Variants in NSMAF observed in about 807,000 individuals in gnomAD.
NSMAF encodes protein FAN.
Under a neutral mutation model 134.9 loss-of-function variants are expected in NSMAF, and 90 were observed. That is an observed-to-expected ratio of 0.67 (90% CI 0.56 to 0.79). The LOEUF (loss-of-function observed/expected upper bound fraction) is 0.79. Among genes scored for constraint, NSMAF ranks in the 30% least tolerant of loss-of-function variants. The pLI is 0.00. For synonymous variants in NSMAF, 358 were observed against 389.6 expected, an observed-to-expected ratio of 0.92 and a Z score of 0.96; for missense variants, 1,010 against 1,119.0, an observed-to-expected ratio of 0.90 and a Z score of 1.39.
At chr8:58,597,180 C>T (rs963276214) in intron 21 of NSMAF, among the ~76,000 whole-genome samples, 4 of 152,144 alleles carry the variant, frequency 2.6e-5, no homozygotes, top group South Asian at 2.1e-4. Flanking sequence ...AAAATAAAAG[C>T]GATTTGATTT....
chr8:58,659,785 G>A lies in NSMAF; in HGVS notation c.-154C>T, dbSNP rs1210954771. The stretch of plus-strand genomic sequence containing the variant: ...TCCCCTGCGGCGCCGCTGGGCGGCC[G>A]AGAGCCCGACGCGGCGTCCCGGCCG... On this transcript the variant is annotated 5_prime_UTR_variant, in exon 1 of 31. Coordinates refer to ENST00000038176, the MANE Select transcript of NSMAF (RefSeq NM_003580.4). The A allele has an allele frequency of 1.2e-5, 5 of 430,980 alleles. No individual in the cohort carries two copies. Among genetic ancestry groups the A allele is most frequent in the Non-Finnish European group, 1.8e-5 (5 of 276,348 alleles). 26.7% of individuals were successfully genotyped at this position (430,980 alleles called of 1,614,324 possible).
At chr8:58,627,047 A>G (rs1013007200) in intron 6 of NSMAF, among the ~76,000 whole-genome samples, 2 of 151,936 alleles carry the variant, frequency 1.3e-5, no homozygotes, top group Admixed American at 1.3e-4. Flanking sequence ...CTACTTCTTG[A>G]TGGGATTATT....
intron 16 of NSMAF, 40 bp downstream of exon 16, chr8:58,601,243 CAG>C: frequency 6.7e-7 from 1 of 1,483,204 alleles, no homozygotes; most frequent in Non-Finnish European, 9.4e-7. Context: ...TATATACAAT[CAG>C]AAAGTGTTAA....
chr8:58,639,276 TC>T (rs1158798418), intron 2 of NSMAF, among the ~76,000 whole-genome samples: 7 of 144,454 alleles, frequency 4.8e-5, no homozygotes, highest in African/African-American at 1.8e-4. Context: ...AGAGTGAGAC[TC>T]CGTCTCAATA....
chr8:58,600,984 A>G (rs1563527661), intron 16 of NSMAF, among the ~76,000 whole-genome samples: 1 of 152,202 alleles, frequency 6.6e-6, no homozygotes, highest in Non-Finnish European at 1.5e-5. Flanking sequence ...ATATGTTAGA[A>G]TGTGATACAA....
At chr8:58,635,156 C>T (rs773852533) in intron 5 of NSMAF, 33 bp downstream of exon 5, 11 of 1,535,738 alleles carry the variant, frequency 7.2e-6, no homozygotes, top group Non-Finnish European at 6.3e-6. Context: ...AATGTTCATT[C>T]AGATTAGGAA....
In NSMAF at chr8:58,607,774, G is replaced by T; in HGVS notation, c.754C>A (p.Pro252Thr). The change falls in exon 11 of 31, where the codon CCT (proline) becomes ACT (threonine). Residue 252 changes from proline to threonine, a missense_variant. Transcript: ENST00000038176. ...ACAGCCTCCCAAGGACTCACCAGAGGCATGAGGCCGTGCCTCCTTTTGTAG... is the reference window on the plus strand; with the variant it reads ...ACAGCCTCCCAAGGACTCACCAGAGTCATGAGGCCGTGCCTCCTTTTGTAG... ...RIYKRRHGLM[P>T]LGLEVFCTED... 1 of 1,613,474 alleles carries T rather than the reference G, an allele frequency of 6.2e-7. No individual in the cohort carries two copies. The highest frequency in any genetic ancestry group is 8.5e-7 in the Non-Finnish European group (1 of 1,179,364).
At position 58,586,607 on chromosome 8, in the gene NSMAF, A is replaced by G; in HGVS notation, c.2297T>C (p.Val766Ala). 8.1e-6 allele frequency: 13 copies of G among 1,609,410 alleles called. No individual in the cohort carries two copies. The highest frequency in any genetic ancestry group is 1.1e-5 in the Non-Finnish European group (13 of 1,177,924). ...LLAELEHDVS[V>A]DTISLNAAST... ...TGCAGCATTTAAACTGATTGTATCT[A>G]CCTAAGGAAGAAAACACATTGATAC... The change falls in exon 28 of 31, where the codon GTA becomes GCA. Residue 766 changes from valine (V) to alanine (A), a missense_variant and splice_region_variant. Val to Ala is a moderately conservative substitution (Grantham distance 64). Coordinates refer to ENST00000038176, the MANE Select transcript of NSMAF (RefSeq NM_003580.4).
At position 58,586,503 on chromosome 8, in the gene NSMAF, T is replaced by C. The variant is rs1187104544; in HGVS notation, c.2401A>G (p.Ile801Val). ...DLTTATLMHQ[I>V]PCHSGIVCDT... The stretch of plus-strand genomic sequence containing the variant: ...CATACAATCCCTGAATGGCATGGAA[T>C]CTGGTGCATTAAGGTGGCCGTTGTG... The change falls in exon 28 of 31, where the codon ATT (isoleucine) becomes GTT (valine). Residue 801 changes from isoleucine (I) to valine (V), a missense_variant. Physicochemically the swap from Ile to Val is conservative, Grantham distance 29. Coordinates refer to ENST00000038176, the MANE Select transcript of NSMAF (RefSeq NM_003580.4). 1 of 1,612,032 alleles carries C rather than the reference T, an allele frequency of 6.2e-7. No homozygotes were observed. Among genetic ancestry groups the C allele is most frequent in the South Asian group, 1.1e-5 (1 of 91,086 alleles).
intron 1 of NSMAF, among the ~76,000 whole-genome samples, chr8:58,647,500 A>G (rs776628442): frequency 2.6e-5 from 4 of 152,128 alleles, no homozygotes; most frequent in Non-Finnish European, 4.4e-5. Context: ...TGTGATTCCC[A>G]ACGTTGAAGG....
At chr8:58,641,486 C>G (rs1463139016) in intron 2 of NSMAF, among the ~76,000 whole-genome samples, 1 of 152,166 alleles carries the variant, frequency 6.6e-6, no homozygotes, top group Non-Finnish European at 1.5e-5. Flanking sequence ...GATAAATCTG[C>G]CCCCTTCTGA....
chr8:58,659,265 C>G, intron 1 of NSMAF: 1 of 1,510,590 alleles, frequency 6.6e-7, no homozygotes, highest in East Asian at 2.7e-5. Context: ...TCCGGGTGAG[C>G]TGCCCGCGGC....
At chr8:58,644,945 C>T (rs1489845145) in intron 1 of NSMAF, among the ~76,000 whole-genome samples, 1 of 152,020 alleles carries the variant, frequency 6.6e-6, no homozygotes, top group Non-Finnish European at 1.5e-5. Context: ...GTGAACATCA[C>T]ACACGGGGAC....
chr8:58,622,856 C>T (rs1272546629), intron 9 of NSMAF, among the ~76,000 whole-genome samples: 3 of 152,016 alleles, frequency 2.0e-5, no homozygotes, highest in Non-Finnish European at 4.4e-5. Flanking sequence ...TATTTTAAAA[C>T]AATGTCAGGT....
intron 5 of NSMAF, among the ~76,000 whole-genome samples, chr8:58,633,738 G>A (rs1807108927): frequency 6.6e-6 from 1 of 152,114 alleles, no homozygotes; most frequent in African/African-American, 2.4e-5. Context: ...TAAATATAAA[G>A]CACCGTACTA....
chr8:58,587,534 A>C, intron 27 of NSMAF, 84 bp downstream of exon 27: 1 of 1,087,724 alleles, frequency 9.2e-7, no homozygotes. Flanking sequence ...GCAAAACAAC[A>C]TGAACAAAAC....
chr8:58,646,670 T>C lies in NSMAF; in HGVS notation c.60-3597A>G, dbSNP rs138220588. ...AAATTTTTCTATGTAAAAATTATTATAATTAAGTTGCATGATTTTTAGAAC... is the reference window on the plus strand; with the variant it reads ...AAATTTTTCTATGTAAAAATTATTACAATTAAGTTGCATGATTTTTAGAAC... On this transcript the variant is annotated intron_variant, in intron 1 of 30. Coordinates refer to ENST00000038176, the MANE Select transcript of NSMAF (RefSeq NM_003580.4). Among the ~76,000 whole-genome samples, 863 of 152,316 alleles carry C rather than the reference T, an allele frequency of 5.7e-3. 8 individuals are homozygous for C. The highest frequency in any genetic ancestry group is 0.019 in the African/African-American group (807 of 41,576).
At chr8:58,614,410 C>T (rs1226939451) in intron 9 of NSMAF, among the ~76,000 whole-genome samples, 5 of 152,170 alleles carry the variant, frequency 3.3e-5, no homozygotes, top group South Asian at 2.1e-4. Context: ...AGTAGAGTGA[C>T]GGTCATGAGC....
At chr8:58,621,838 T>G (rs537929973) in intron 9 of NSMAF, among the ~76,000 whole-genome samples, 1 of 152,354 alleles carries the variant, frequency 6.6e-6, no homozygotes, top group Admixed American at 6.5e-5. Context: ...TTGTTCATTT[T>G]TTGCTTCTTT....
Sources: gnomAD v4.1 joint callset for allele counts (sites outside exome capture counted in the v4.1 genomes callset) on GRCh38, gnomAD v4.1.1 for gene constraint, MANE v1.5 for transcripts, NCBI Gene and HGNC (gene_info 2026-07-23, HGNC 2026-07-21) for gene names.